STK31: variants seen among roughly 807,000 people sequenced by gnomAD.
STK31 encodes the protein serine/threonine-protein kinase 31.
Under a neutral mutation model 129.7 loss-of-function variants are expected in STK31, and 89 were observed. That is an observed-to-expected ratio of 0.69 (90% confidence interval 0.58 to 0.82). The LOEUF (loss-of-function observed/expected upper bound fraction) is 0.82. STK31 is among the 40% of genes least tolerant of loss of function. The probability of loss-of-function intolerance (pLI) is 0.00; values close to 1 mark genes in which losing one functional copy is unlikely to be tolerated. For synonymous variants in STK31, 448 were observed against 395.3 expected (o/e 1.13, Z -1.58); for missense variants, 1,187 against 1,176.4 (o/e 1.01, Z -0.13).
chr7:23,724,484 G>C (rs1301332457), intron 4 of STK31, among the ~76,000 whole-genome samples: 1 of 152,170 alleles, frequency 6.6e-6, no homozygotes, highest in African/African-American at 2.4e-5. Flanking sequence ...ACAAGGTTAG[G>C]CATTACAGTA....
intron 10 of STK31, among the ~76,000 whole-genome samples, chr7:23,760,737 G>T (rs1448357590): frequency 1.3e-5 from 2 of 152,096 alleles, no homozygotes; most frequent in Non-Finnish European, 2.9e-5. Context: ...ACAGCTCACT[G>T]CAGCCTCAAC....
At chr7:23,795,734 G>C (rs1791911033) in intron 22 of STK31, among the ~76,000 whole-genome samples, 1 of 152,200 alleles carries the variant, frequency 6.6e-6, no homozygotes, top group African/African-American at 2.4e-5. Flanking sequence ...AGTGTGACCT[G>C]GATGTGAGAC....
At chr7:23,732,425 A>G (rs966558816) in intron 6 of STK31, among the ~76,000 whole-genome samples, 3 of 152,188 alleles carry the variant, frequency 2.0e-5, no homozygotes, top group African/African-American at 7.2e-5. Flanking sequence ...GAAAACATAC[A>G]TATTTTTGGT....
chr7:23,809,262 A>T (rs113423256), intron 22 of STK31, among the ~76,000 whole-genome samples: 18 of 152,110 alleles, frequency 1.2e-4, no homozygotes, highest in African/African-American at 4.1e-4. Flanking sequence ...GCACTGCATT[A>T]CTTTAATTGA....
chr7:23,741,105 TATA>T (rs1788030836), intron 8 of STK31, among the ~76,000 whole-genome samples: 1 of 152,226 alleles, frequency 6.6e-6, no homozygotes, highest in African/African-American at 2.4e-5. Context: ...ATGCCCATCT[TATA>T]CTCTTTGGAA....
At chr7:23,779,216 C>T (rs1436326103) in intron 15 of STK31, among the ~76,000 whole-genome samples, 1 of 152,214 alleles carries the variant, frequency 6.6e-6, no homozygotes, top group Admixed American at 6.5e-5. Context: ...CTGGAAGCTT[C>T]ATCCCAGAGG....
intron 22 of STK31, among the ~76,000 whole-genome samples, chr7:23,797,674 C>A (rs935512035): frequency 9.9e-5 from 15 of 152,144 alleles, no homozygotes; most frequent in Middle Eastern, 6.8e-3. Context: ...GATCTAAAAT[C>A]GACACCCTAA....
At chr7:23,775,537 T>A (rs1356537130) in intron 15 of STK31, among the ~76,000 whole-genome samples, 1 of 152,178 alleles carries the variant, frequency 6.6e-6, no homozygotes, top group South Asian at 2.1e-4. Flanking sequence ...CTTGAAGAGG[T>A]CCTTCACATA....
intron 11 of STK31, among the ~76,000 whole-genome samples, chr7:23,763,947 A>G (rs565843995): frequency 2.0e-5 from 3 of 152,294 alleles, no homozygotes; most frequent in African/African-American, 7.2e-5. Context: ...CCAGTAGCTA[A>G]TATCGATCTT....
chr7:23,770,062 G>C (rs949356957), intron 13 of STK31, among the ~76,000 whole-genome samples: 2 of 152,098 alleles, frequency 1.3e-5, no homozygotes, highest in Admixed American at 6.6e-5. Flanking sequence ...TTTGATTCTT[G>C]AATGCGTCAT....
intron 23 of STK31, among the ~76,000 whole-genome samples, chr7:23,816,999 A>C (rs1793505894): frequency 6.6e-6 from 1 of 152,126 alleles, no homozygotes; most frequent in Non-Finnish European, 1.5e-5. Context: ...CAGCCTGCCC[A>C]ACATGGTGAA....
At chr7:23,717,097 C>CTTTTTTTTTTTTTTTTTT (rs70956911) in intron 3 of STK31, among the ~76,000 whole-genome samples, 58 of 42,946 alleles carry the variant, frequency 1.4e-3, no homozygotes, top group Non-Finnish European at 1.8e-3. Context: ...TCGCAACCTG[C>CTTTTTTTTTTTTTTTTTT]TTTTTTTTTT....
intron 4 of STK31, 86 bp from the exon 5 acceptor site, chr7:23,727,155 A>G: frequency 9.6e-7 from 1 of 1,037,258 alleles, no homozygotes; most frequent in East Asian, 2.5e-5. Flanking sequence ...ATTGACATAT[A>G]GGAAGAGCTT....
At chr7:23,717,656 G>T in intron 4 of STK31, 77 bp downstream of exon 4, 1 of 1,126,388 alleles carries the variant, frequency 8.9e-7, no homozygotes. Context: ...AGTTTTTGGA[G>T]TTCCTGGTAT....
At chr7:23,820,991 G>A (rs1017583741) in intron 23 of STK31, among the ~76,000 whole-genome samples, 2 of 151,652 alleles carry the variant, frequency 1.3e-5, no homozygotes, top group African/African-American at 4.8e-5. Flanking sequence ...TAGTGCTGCA[G>A]TAAACATGGG....
chr7:23,753,857 C>A (rs1266820394), intron 9 of STK31, among the ~76,000 whole-genome samples: 1 of 152,086 alleles, frequency 6.6e-6, no homozygotes, highest in Non-Finnish European at 1.5e-5. Flanking sequence ...GTTTTTGTGA[C>A]TAAAAATATG....
At chr7:23,812,186 A>T (rs1008744663) in intron 22 of STK31, among the ~76,000 whole-genome samples, 3 of 152,052 alleles carry the variant, frequency 2.0e-5, no homozygotes, top group Non-Finnish European at 4.4e-5. Flanking sequence ...TTTCACTTTC[A>T]TTACTGATGG....
At chr7:23,748,622 A>G (rs1050341785) in intron 8 of STK31, among the ~76,000 whole-genome samples, 1 of 152,176 alleles carries the variant, frequency 6.6e-6, no homozygotes, top group Non-Finnish European at 1.5e-5. Flanking sequence ...GCTCAATGTG[A>G]AGATGAGGGA....
chr7:23,766,040 C>T (rs185390626), intron 11 of STK31, among the ~76,000 whole-genome samples: 3 of 152,150 alleles, frequency 2.0e-5, no homozygotes, highest in African/African-American at 4.8e-5. Context: ...TTTCATAAGT[C>T]GTTTATCTCT....
Sources: gnomAD v4.1 joint callset for allele counts (sites outside exome capture counted in the v4.1 genomes callset) on GRCh38, gnomAD v4.1.1 for gene constraint, MANE v1.5 for transcripts, NCBI Gene and HGNC (gene_info 2026-07-23, HGNC 2026-07-21) for gene names.